BBX: variants seen among roughly 807,000 people sequenced by gnomAD.
BBX encodes the protein BBX high mobility group box domain containing.
A neutral mutation model predicts 100.2 loss-of-function variants in BBX; 30 were observed. The observed-to-expected ratio is 0.30, with a 90% CI of 0.22 to 0.41. BBX has a LOEUF of 0.41. BBX is among the 10% of genes least tolerant of loss of function. The pLI is 1.00. For missense variants in BBX, 1,023 were observed against 1,129.8 expected (o/e 0.91, Z 1.35); for synonymous variants, 376 against 388.1 (o/e 0.97, Z 0.37).
chr3:107,583,887 ATT>A (rs1179282047), intron 2 of BBX, among the ~76,000 whole-genome samples: 67 of 128,590 alleles, frequency 5.2e-4, no homozygotes, highest in African/African-American at 1.8e-3. Flanking sequence ...CTTTATATAT[ATT>A]ATATATAAAG....
At chr3:107,616,400 A>C (rs1484540509) in intron 2 of BBX, among the ~76,000 whole-genome samples, 1 of 152,110 alleles carries the variant, frequency 6.6e-6, no homozygotes, top group Non-Finnish European at 1.5e-5. Flanking sequence ...CCCTTTACCC[A>C]GATTCTTATA....
intron 2 of BBX, among the ~76,000 whole-genome samples, chr3:107,637,958 A>G (rs1385226799): frequency 6.6e-6 from 1 of 151,920 alleles, no homozygotes; most frequent in Non-Finnish European, 1.5e-5. Flanking sequence ...TCTGTTACCC[A>G]AGTGGAATGC....
chr3:107,761,906 A>G (rs912049178), intron 10 of BBX, among the ~76,000 whole-genome samples: 3 of 152,162 alleles, frequency 2.0e-5, no homozygotes, highest in African/African-American at 4.8e-5. Context: ...TTGTGTCTTC[A>G]TATTATTGAT....
chr3:107,713,545 TTATTCATG>T (rs1386020170), intron 4 of BBX, among the ~76,000 whole-genome samples: 1 of 152,200 alleles, frequency 6.6e-6, no homozygotes, highest in Non-Finnish European at 1.5e-5. Context: ...TTGTATTTTG[TTATTCATG>T]TATTTATGTA....
At chr3:107,789,940 G>C (rs1211986190) in intron 14 of BBX, 64 bp downstream of exon 14, 6 of 1,306,948 alleles carry the variant, frequency 4.6e-6, no homozygotes, top group Non-Finnish European at 6.4e-6. Flanking sequence ...TCATCTTTGA[G>C]TAATGCTCCC....
At position 107,772,861 on chromosome 3, in the gene BBX, C is replaced by G; in HGVS notation, c.1140C>G (p.Asp380Glu). 6.2e-7 allele frequency: 1 copy of G among 1,613,204 alleles called. No individual in the cohort carries two copies. Among genetic ancestry groups the G allele is most frequent in the Non-Finnish European group, 8.5e-7 (1 of 1,179,822 alleles). ...ATTTTGAGGCATTGCAAATAGATGACATAATGGCTATAAAAATGGAAGATC... is the reference window on the plus strand; with the variant it reads ...ATTTTGAGGCATTGCAAATAGATGAGATAATGGCTATAAAAATGGAAGATC... ...LRNFEALQIDDIMAIKMEDPK... is the reference protein window; with the variant it reads ...LRNFEALQIDEIMAIKMEDPK... The change falls in exon 11 of 18, where the codon GAC becomes GAG. Residue 380 changes from aspartate (D) to glutamate (E), a missense_variant. By Grantham distance (45) the Asp-to-Glu change is conservative. Around this residue, in one of 9 missense-constraint regions of BBX, gnomAD observed 348 missense variants for 353.2 expected, o/e 0.99. Coordinates refer to ENST00000325805, the MANE Select transcript of BBX (RefSeq NM_001142568.3).
intron 3 of BBX, among the ~76,000 whole-genome samples, chr3:107,698,260 A>G (rs953012033): frequency 6.6e-6 from 1 of 151,990 alleles, no homozygotes; most frequent in Admixed American, 6.5e-5. Context: ...CGACTAAGTC[A>G]TATGAAAGAA....
chr3:107,619,153 A>G (rs1011101417), intron 2 of BBX, among the ~76,000 whole-genome samples: 1 of 152,028 alleles, frequency 6.6e-6, no homozygotes, highest in Admixed American at 6.5e-5. Flanking sequence ...GTCTGTGATC[A>G]TTGTTTTTTG....
intron 2 of BBX, among the ~76,000 whole-genome samples, chr3:107,532,804 G>T (rs1410991639): frequency 6.6e-6 from 1 of 152,090 alleles, no homozygotes; most frequent in Admixed American, 6.5e-5. Context: ...AATTTTTAAG[G>T]TTATATTTGC....
At chr3:107,556,209 T>A (rs1490936858) in intron 2 of BBX, among the ~76,000 whole-genome samples, 3 of 152,204 alleles carry the variant, frequency 2.0e-5, no homozygotes, top group Non-Finnish European at 4.4e-5. Flanking sequence ...GGACTTTGCC[T>A]TTCATTTTAG....
At chr3:107,578,646 C>G (rs116792590) in intron 2 of BBX, among the ~76,000 whole-genome samples, 3 of 152,088 alleles carry the variant, frequency 2.0e-5, no homozygotes, top group African/African-American at 4.8e-5. Context: ...CAGAGGGGCT[C>G]GTGGCCCTGA....
intron 2 of BBX, among the ~76,000 whole-genome samples, chr3:107,620,405 C>T (rs139565967): frequency 2.6e-5 from 4 of 152,342 alleles, no homozygotes; most frequent in African/African-American, 9.6e-5. Context: ...TGTATTTCCT[C>T]ATTCAAGTTG....
chr3:107,643,352 G>A (rs2057330966), intron 2 of BBX, among the ~76,000 whole-genome samples: 1 of 152,126 alleles, frequency 6.6e-6, no homozygotes, highest in Non-Finnish European at 1.5e-5. Flanking sequence ...CTGCCATTAT[G>A]AAGTTTCTTA....
At chr3:107,628,605 C>A (rs2107717560) in intron 2 of BBX, among the ~76,000 whole-genome samples, 1 of 151,938 alleles carries the variant, frequency 6.6e-6, no homozygotes, top group African/African-American at 2.4e-5. Context: ...TTAAGAAACC[C>A]TCCAGTTATC....
chr3:107,717,717 A>G (rs761122804), intron 5 of BBX, among the ~76,000 whole-genome samples: 2 of 152,264 alleles, frequency 1.3e-5, no homozygotes, highest in African/African-American at 4.8e-5. Context: ...AAGTTGTATC[A>G]TGGTTCTTTT....
intron 2 of BBX, among the ~76,000 whole-genome samples, chr3:107,630,919 G>A (rs1200837504): frequency 6.6e-6 from 1 of 152,160 alleles, no homozygotes; most frequent in African/African-American, 2.4e-5. Flanking sequence ...TGCTGTGAAG[G>A]TTCCCTGAGA....
chr3:107,706,527 G>A (rs969723609), intron 3 of BBX, among the ~76,000 whole-genome samples: 3 of 152,010 alleles, frequency 2.0e-5, no homozygotes, highest in African/African-American at 7.3e-5. Context: ...GACAGTCTCA[G>A]CAGCATAATT....
intron 3 of BBX, among the ~76,000 whole-genome samples, chr3:107,682,140 T>C (rs1432811497): frequency 6.6e-6 from 1 of 152,112 alleles, no homozygotes; most frequent in African/African-American, 2.4e-5. Context: ...AATAAATTCA[T>C]GAAGATGTTA....
chr3:107,727,447 A>G (rs771862180), intron 5 of BBX, among the ~76,000 whole-genome samples: 1 of 152,224 alleles, frequency 6.6e-6, no homozygotes, highest in East Asian at 1.9e-4. Flanking sequence ...GGTGAATTCT[A>G]GTTTGGCCTT....
Sources: allele counts gnomAD v4.1 joint callset (sites outside exome capture counted in the v4.1 genomes callset), GRCh38; gene constraint gnomAD v4.1.1; regional missense constraint gnomAD v4.1.1; transcripts MANE v1.5; gene names NCBI Gene and HGNC (gene_info 2026-07-23, HGNC 2026-07-21).